Variants in KLK2 observed in about 807,000 individuals in gnomAD.
KLK2 encodes kallikrein related peptidase 2.
In KLK2, 17 loss-of-function variants were observed where a neutral mutation model predicts 23.0. The ratio of observed to expected loss-of-function variants is 0.74; its 90% CI spans 0.51 to 1.11. The LOEUF is 1.11. KLK2 is among the 50% of genes least tolerant of loss of function. The pLI is 0.00. For missense variants in KLK2, 330 were observed against 325.9 expected, an observed-to-expected ratio of 1.01 and a Z score of -0.10; for synonymous variants, 140 against 124.7, an observed-to-expected ratio of 1.12 and a Z score of -0.82.
At position 50,878,691 on chromosome 19, in the gene KLK2, A is replaced by T; in HGVS notation, c.*132A>T. ...CCGAAGCTCGAGCCTCCTGAGTCCT[A>T]CTGACCTGTGCTTTCTGGTGTGGAG... On this transcript the variant is annotated 3_prime_UTR_variant, in exon 5 of 5. Transcript: ENST00000325321. The T allele has an allele frequency of 1.2e-6, 1 of 836,668 alleles. No homozygotes were observed. The highest frequency in any genetic ancestry group is 1.9e-6 in the Non-Finnish European group (1 of 517,958). 51.8% of individuals were successfully genotyped at this position (836,668 alleles called of 1,614,324 possible). A position where few individuals can be genotyped will look rare whatever the true frequency, so the allele number is the denominator to read the frequency against.
In KLK2 at chr19:50,879,511, C is replaced by G. The variant is rs191767061; in HGVS notation, c.*952C>G. On this transcript the variant is annotated 3_prime_UTR_variant, in exon 5 of 5. Coordinates refer to ENST00000325321, the MANE Select transcript of KLK2 (RefSeq NM_005551.5). ...GTTATTCTCTCCAAGTGGAGACTTA[C>G]GGACAGCATATAATTCTCCCTGCAA... 6.1e-5 allele frequency: 14 copies of G among 231,016 alleles called. No individual in the cohort carries two copies. Among genetic ancestry groups the G allele is most frequent in the African/African-American group, 3.1e-4 (14 of 45,294 alleles). The allele number at this position is 231,016 out of a possible 1,614,324, so 14.3% of individuals were successfully genotyped here. A position where few individuals can be genotyped will look rare whatever the true frequency, so the allele number is the denominator to read the frequency against.
In KLK2 at chr19:50,878,661, C is replaced by G. The variant is rs1293150498; in HGVS notation, c.*102C>G. The G allele has an allele frequency of 6.5e-6, 8 of 1,227,252 alleles. No individual in the cohort carries two copies. The highest frequency in any genetic ancestry group is 9.3e-6 in the Non-Finnish European group (8 of 856,260). The allele number at this position is 1,227,252 out of a possible 1,614,324, so 76.0% of individuals were successfully genotyped here. A position where few individuals can be genotyped will look rare whatever the true frequency, so the allele number is the denominator to read the frequency against. The stretch of plus-strand genomic sequence containing the variant: ...CTGGACACCTGAAGCTTGGAACTCA[C>G]CTGGCCGAAGCTCGAGCCTCCTGAG... On this transcript the variant is annotated 3_prime_UTR_variant, in exon 5 of 5. Coordinates refer to ENST00000325321, the MANE Select transcript of KLK2 (RefSeq NM_005551.5).
In KLK2 at chr19:50,878,817, T is replaced by C. The variant is rs2090315772; in HGVS notation, c.*258T>C. On this transcript the variant is annotated 3_prime_UTR_variant, in exon 5 of 5. Transcript: ENST00000325321. ...TCTCCTTCGGAACACTGGCTGTCTC[T>C]GAAGACTTCTCGCTCAGTTTCAGTG... The C allele has an allele frequency of 2.5e-6, 1 of 396,352 alleles. No individual in the cohort carries two copies. Among genetic ancestry groups the C allele is most frequent in the East Asian group, 3.9e-5 (1 of 25,886 alleles). The allele number at this position is 396,352 out of a possible 1,614,324, so 24.6% of individuals were successfully genotyped here. A position where few individuals can be genotyped will look rare whatever the true frequency, so the allele number is the denominator to read the frequency against.
In KLK2 at chr19:50,875,106, C is replaced by T. The variant is rs1600013100; in HGVS notation, c.206+226C>T. The T allele has an allele frequency of 7.8e-6, 6 of 769,208 alleles. No homozygotes were observed. The East Asian group carries it at 2.1e-4, about 26-fold the overall frequency. 47.6% of individuals were successfully genotyped at this position (769,208 alleles called of 1,614,324 possible). ...TCTCGCTGTGTCTCTTGGTATCTGGCTCTGGTTGTGTCTGTATGACTGTGT... is the reference window on the plus strand; with the variant it reads ...TCTCGCTGTGTCTCTTGGTATCTGGTTCTGGTTGTGTCTGTATGACTGTGT... On this transcript the variant is annotated intron_variant, in intron 2 of 4. Coordinates refer to ENST00000325321, the MANE Select transcript of KLK2 (RefSeq NM_005551.5).
At position 50,879,128 on chromosome 19, in the gene KLK2, G is replaced by A. The variant is rs1230067171; in HGVS notation, c.*569G>A. 1.7e-5 allele frequency: 4 copies of A among 233,038 alleles called. No homozygotes were observed. The highest frequency in any genetic ancestry group is 8.8e-5 in the African/African-American group (4 of 45,336). 14.4% of individuals were successfully genotyped at this position (233,038 alleles called of 1,614,324 possible). On this transcript the variant is annotated 3_prime_UTR_variant, in exon 5 of 5. Coordinates refer to ENST00000325321, the MANE Select transcript of KLK2 (RefSeq NM_005551.5). The stretch of plus-strand genomic sequence containing the variant: ...GAAGGAGGGACTAGGGGGAGAAACT[G>A]AAAGCTGATTAATTACAGGAGGTTT...
chr19:50,874,909 G>A (rs1233503050), intron 2 of KLK2, 29 bp downstream of exon 2: 3 of 1,607,490 alleles, frequency 1.9e-6, no homozygotes, highest in Admixed American at 3.4e-5. Flanking sequence ...TCTGGGGAGG[G>A]AATGGCTGTG....
chr19:50,876,865 C>T lies in KLK2; in HGVS notation c.494-7C>T, dbSNP rs920249224. Reference sequence around the variant, plus strand: ...CGGCCACAGCCCAGTTTTTCTCTGACCCATAGTCTTGCGCCCCAGGAGTCT... The same window carrying T: ...CGGCCACAGCCCAGTTTTTCTCTGATCCATAGTCTTGCGCCCCAGGAGTCT... On this transcript the variant is annotated splice_region_variant and splice_polypyrimidine_tract_variant and intron_variant, in intron 3 of 4. Transcript: ENST00000325321. 1.2e-6 allele frequency: 2 copies of T among 1,613,714 alleles called. No homozygotes were observed. The highest frequency in any genetic ancestry group is 1.1e-5 in the South Asian group (1 of 90,984).
intron 4 of KLK2, among the ~76,000 whole-genome samples, chr19:50,878,138 C>T (rs1013573484): frequency 1.2e-4 from 19 of 152,192 alleles, no homozygotes; most frequent in African/African-American, 4.6e-4. Context: ...GACCTGTCTG[C>T]AGGGACTGTC....
chr19:50,879,469 G>C lies in KLK2; in HGVS notation c.*910G>C, dbSNP rs1050250918. The C allele has an allele frequency of 2.2e-5, 5 of 232,006 alleles. No individual in the cohort carries two copies. Among genetic ancestry groups the C allele is most frequent in the African/African-American group, 8.8e-5 (4 of 45,240 alleles). The allele number at this position is 232,006 out of a possible 1,614,324, so 14.4% of individuals were successfully genotyped here. A position where few individuals can be genotyped will look rare whatever the true frequency, so the allele number is the denominator to read the frequency against. On this transcript the variant is annotated 3_prime_UTR_variant, in exon 5 of 5. Transcript: ENST00000325321. ...CAGGTGGGGGCCTTTCCCTTTGGATGGGGGGCATATCTGACAGTTATTCTC... is the reference window on the plus strand; with the variant it reads ...CAGGTGGGGGCCTTTCCCTTTGGATCGGGGGCATATCTGACAGTTATTCTC...
At chr19:50,877,778 C>G (rs1194853114) in intron 4 of KLK2, 1 of 153,992 alleles carries the variant, frequency 6.5e-6, no homozygotes, top group African/African-American at 2.4e-5. Context: ...CTGTCGCTGG[C>G]TTCCCTTTGG....
At chr19:50,875,017 C>T (rs62113074) in intron 2 of KLK2, 137 bp downstream of exon 2, 96,865 of 1,396,768 alleles carry the variant, frequency 0.069, 3,712 homozygotes, top group South Asian at 0.12. Context: ...CAGGTCGCAC[C>T]CGGAGGCAGA....
intron 4 of KLK2, 85 bp downstream of exon 4, chr19:50,877,093 C>T (rs757526594): frequency 1.3e-6 from 2 of 1,572,522 alleles, no homozygotes; most frequent in African/African-American, 1.3e-5. Flanking sequence ...GCTAACCAGA[C>T]ATCTGCCTCC....
In KLK2 at chr19:50,880,336, G is replaced by A. The variant is rs889590845; in HGVS notation, c.*1777G>A. 2 of 225,860 alleles carry A rather than the reference G, an allele frequency of 8.9e-6. No homozygotes were observed. The highest frequency in any genetic ancestry group is 5.7e-5 in the Admixed American group (1 of 17,518). 14.0% of individuals were successfully genotyped at this position (225,860 alleles called of 1,614,324 possible). On this transcript the variant is annotated 3_prime_UTR_variant, in exon 5 of 5. Transcript: ENST00000325321. ...GTAACAAGACGGTGGGGCAAACTCT[G>A]ATTTCCGTGGGGGAATGTCATGGTC...
rs1600011704 is a variant in KLK2, at chr19:50,874,549, C to G, written c.47-172C>G. 2.2e-5 allele frequency: 12 copies of G among 558,020 alleles called. No homozygotes were observed. In the East Asian group the frequency reaches 3.7e-4, roughly 17 times the overall value. The allele number at this position is 558,020 out of a possible 1,614,324, so 34.6% of individuals were successfully genotyped here. A position where few individuals can be genotyped will look rare whatever the true frequency, so the allele number is the denominator to read the frequency against. On this transcript the variant is annotated intron_variant, in intron 1 of 4. Transcript: ENST00000325321. Reference sequence around the variant, plus strand: ...CCGACCTGGTCCAGCCACCAACCCGCTAACGCAGGGAATAGCTACAGAATT... The same window carrying G: ...CCGACCTGGTCCAGCCACCAACCCGGTAACGCAGGGAATAGCTACAGAATT...
rs1199259963 is a variant in KLK2 at position 50,878,463 on chromosome 19, C to A, written c.690C>A (p.Gly230=). 1.9e-6 allele frequency: 3 copies of A among 1,614,040 alleles called. No individual in the cohort carries two copies. Among genetic ancestry groups the A allele is most frequent in the Non-Finnish European group, 2.5e-6 (3 of 1,179,940 alleles). Residue 230 remains glycine (G), a synonymous_variant, in exon 5 of 5, where the codon GGC becomes GGA. Coordinates refer to ENST00000325321, the MANE Select transcript of KLK2 (RefSeq NM_005551.5). The part of the protein sequence containing the change: ...NGVLQGITSW[G]PEPCALPEKP... ...TGCTTCAAGGTATCACATCATGGGG[C>A]CCTGAGCCATGTGCCCTGCCTGAAA...
chr19:50,877,984 T>C (rs1035580581), intron 4 of KLK2, among the ~76,000 whole-genome samples: 7 of 152,122 alleles, frequency 4.6e-5, no homozygotes, highest in Admixed American at 1.3e-4. Flanking sequence ...GAACTGACCA[T>C]ACCCAGCCCT....
At chr19:50,878,288 C>T in intron 4 of KLK2, 116 bp from the exon 5 acceptor site, 2 of 1,001,062 alleles carry the variant, frequency 2.0e-6, no homozygotes, top group Non-Finnish European at 3.0e-6. Context: ...TCTGTCTGTT[C>T]CTGAGAGCTG....
At chr19:50,877,463 G>C (rs2090301361) in intron 4 of KLK2, 1 of 198,518 alleles carries the variant, frequency 5.0e-6, no homozygotes, top group Admixed American at 5.3e-5. Context: ...GCAGAAGGTA[G>C]GAGTGAGCAA....
chr19:50,878,765 G>T lies in KLK2; in HGVS notation c.*206G>T. On this transcript the variant is annotated 3_prime_UTR_variant, in exon 5 of 5. Coordinates refer to ENST00000325321, the MANE Select transcript of KLK2 (RefSeq NM_005551.5). Reference sequence around the variant, plus strand: ...TGGGCAGACACAGGTGTATGCCAATGTTTCTGAAATGGGTATAATTTCGTC... The same window carrying T: ...TGGGCAGACACAGGTGTATGCCAATTTTTCTGAAATGGGTATAATTTCGTC... The T allele has an allele frequency of 2.1e-6, 1 of 484,938 alleles. No individual in the cohort carries two copies. Among genetic ancestry groups the T allele is most frequent in the Non-Finnish European group, 3.7e-6 (1 of 270,656 alleles). 30.0% of individuals were successfully genotyped at this position (484,938 alleles called of 1,614,324 possible). A position where few individuals can be genotyped will look rare whatever the true frequency, so the allele number is the denominator to read the frequency against.
Sources: gnomAD v4.1 joint callset for allele counts (sites outside exome capture counted in the v4.1 genomes callset) on GRCh38, gnomAD v4.1.1 for gene constraint, MANE v1.5 for transcripts, NCBI Gene and HGNC (gene_info 2026-07-23, HGNC 2026-07-21) for gene names.